Variants in SAMD4A observed in about 807,000 individuals in gnomAD.
SAMD4A encodes the protein protein Smaug homolog 1.
Under a neutral mutation model 81.3 loss-of-function variants are expected in SAMD4A, and 33 were observed. The ratio of observed to expected loss-of-function variants is 0.41; its 90% CI spans 0.31 to 0.54. The LOEUF is 0.54. SAMD4A is among the 20% of genes least tolerant of loss of function. SAMD4A has a pLI of 0.37. For missense variants in SAMD4A, 854 were observed against 951.1 expected, an observed-to-expected ratio of 0.90 and a Z score of 1.34; for synonymous variants, 389 against 382.1, an observed-to-expected ratio of 1.02 and a Z score of -0.21.
At chr14:54,725,439 G>A (rs1387424832) in intron 3 of SAMD4A, among the ~76,000 whole-genome samples, 1 of 152,218 alleles carries the variant, frequency 6.6e-6, no homozygotes, top group Non-Finnish European at 1.5e-5. Flanking sequence ...GTCAGTATAG[G>A]TGAAGATTTT....
chr14:54,676,376 T>G (rs1347246837), intron 2 of SAMD4A, among the ~76,000 whole-genome samples: 6 of 152,176 alleles, frequency 3.9e-5, no homozygotes, highest in Non-Finnish European at 8.8e-5. Flanking sequence ...TTTTCTTTTT[T>G]CTTTTCTTTT....
At position 54,788,990 on chromosome 14, in the gene SAMD4A, GCGGGTCCAGTGTC is replaced by G. The variant is rs1334093028; in HGVS notation, c.*49_*61del. 1 of 1,605,410 alleles carries G rather than the reference GCGGGTCCAGTGTC, an allele frequency of 6.2e-7. No homozygotes were observed. Among genetic ancestry groups the G allele is most frequent in the Non-Finnish European group, 8.5e-7 (1 of 1,172,098 alleles). On this transcript the variant is annotated 3_prime_UTR_variant, in exon 13 of 13. Transcript: ENST00000554335. The stretch of plus-strand genomic sequence containing the variant: ...CGCGCTGGCCGTGAAATCGACTGCT[GCGGGTCCAGTGTC>G]CGCCATCTTCAGGGTTGCACAGAAT...
intron 2 of SAMD4A, among the ~76,000 whole-genome samples, chr14:54,691,133 C>T (rs555041976): frequency 6.6e-5 from 10 of 152,204 alleles, no homozygotes; most frequent in Non-Finnish European, 1.2e-4. Flanking sequence ...TGCTCCTCTC[C>T]GTCCTACTGG....
intron 2 of SAMD4A, among the ~76,000 whole-genome samples, chr14:54,645,075 T>G (rs1482863673): frequency 6.6e-6 from 1 of 152,212 alleles, no homozygotes; most frequent in African/African-American, 2.4e-5. Context: ...GGATTTATTA[T>G]TTTTAAGTTA....
chr14:54,728,401 G>A (rs752457611), intron 3 of SAMD4A, among the ~76,000 whole-genome samples: 15 of 152,188 alleles, frequency 9.9e-5, no homozygotes, highest in Admixed American at 4.6e-4. Flanking sequence ...TTGGGGTGTT[G>A]TGGAGCCTCC....
chr14:54,784,376 T>C, intron 11 of SAMD4A, 161 bp from the exon 12 acceptor site: 2 of 1,567,410 alleles, frequency 1.3e-6, no homozygotes, highest in Non-Finnish European at 1.7e-6. Context: ...TTAACAGACC[T>C]TAGAGGTTGG....
rs751642421 is a variant in SAMD4A, at chr14:54,590,368, G to A, written c.196+22256G>A. On this transcript the variant is annotated intron_variant, in intron 2 of 12. Transcript: ENST00000554335. ...TTGCTGGGCATGGTGGTGTGTGCCT[G>A]TAGCCGCAGCTACTTGAGAGGCTGA... Among the ~76,000 whole-genome samples the A allele has an allele frequency of 2.0e-5, 3 of 152,162 alleles. No homozygotes were observed. In the South Asian group the frequency reaches 6.2e-4, roughly 31 times the overall value.
chr14:54,692,309 C>T (rs1018681824), intron 2 of SAMD4A, among the ~76,000 whole-genome samples: 7 of 152,130 alleles, frequency 4.6e-5, no homozygotes, highest in African/African-American at 9.7e-5. Context: ...GCTGTTGTTC[C>T]GTTTGCTCCA....
intron 2 of SAMD4A, among the ~76,000 whole-genome samples, chr14:54,614,301 AT>A (rs1443840276): frequency 6.6e-6 from 1 of 152,180 alleles, no homozygotes; most frequent in East Asian, 1.9e-4. Context: ...ATGAATACAT[AT>A]TTTTTAAGTT....
At chr14:54,636,577 G>A (rs1030654363) in intron 2 of SAMD4A, among the ~76,000 whole-genome samples, 3 of 152,212 alleles carry the variant, frequency 2.0e-5, no homozygotes, top group African/African-American at 7.2e-5. Context: ...GGCTGGTAGA[G>A]TAAGAGATGA....
At chr14:54,748,337 C>T (rs2038017191) in intron 4 of SAMD4A, among the ~76,000 whole-genome samples, 1 of 152,174 alleles carries the variant, frequency 6.6e-6, no homozygotes, top group East Asian at 1.9e-4. Context: ...ATTGAATGTA[C>T]AAAAATTATC....
chr14:54,683,023 G>A (rs1335829378), intron 2 of SAMD4A, among the ~76,000 whole-genome samples: 1 of 152,172 alleles, frequency 6.6e-6, no homozygotes, highest in African/African-American at 2.4e-5. Flanking sequence ...CTGGGAAGCT[G>A]AGTGCCCCAA....
chr14:54,580,222 A>G (rs1373238294), intron 2 of SAMD4A, among the ~76,000 whole-genome samples: 1 of 152,166 alleles, frequency 6.6e-6, no homozygotes, highest in Non-Finnish European at 1.5e-5. Context: ...CTCATGGCCG[A>G]CTTGGCTGCC....
At position 54,605,560 on chromosome 14, in the gene SAMD4A, G is replaced by A. The variant is rs148754773; in HGVS notation, c.196+37448G>A. On this transcript the variant is annotated intron_variant, in intron 2 of 12. Coordinates refer to ENST00000554335, the MANE Select transcript of SAMD4A (RefSeq NM_015589.6). ...TAAAATGAGCAGGGAAACCTCACAGGGATGAGAATACCTAAACTGACAATT... is the reference window on the plus strand; with the variant it reads ...TAAAATGAGCAGGGAAACCTCACAGAGATGAGAATACCTAAACTGACAATT... 5.2e-3 allele frequency among the ~76,000 whole-genome samples: 785 copies of A among 152,244 alleles called. 4 individuals carry two copies. The highest frequency in any genetic ancestry group is 8.8e-3 in the Admixed American group (134 of 15,296).
intron 9 of SAMD4A, among the ~76,000 whole-genome samples, chr14:54,773,378 T>C (rs1327645011): frequency 6.6e-6 from 1 of 152,184 alleles, no homozygotes; most frequent in Non-Finnish European, 1.5e-5. Context: ...ACCTCCCCTG[T>C]GTCGCTGGAA....
chr14:54,702,631 G>A (rs1418846781), intron 3 of SAMD4A, 51 bp downstream of exon 3: 1 of 1,584,070 alleles, frequency 6.3e-7, no homozygotes, highest in East Asian at 2.2e-5. Context: ...GATTTGCTGT[G>A]TATGTGGCAT....
At chr14:54,710,320 T>C (rs945224832) in intron 3 of SAMD4A, among the ~76,000 whole-genome samples, 1 of 152,196 alleles carries the variant, frequency 6.6e-6, no homozygotes, top group Non-Finnish European at 1.5e-5. Flanking sequence ...CTACATAGTG[T>C]TTACTATATA....
intron 7 of SAMD4A, 23 bp downstream of exon 7, chr14:54,760,517 C>T: frequency 2.9e-6 from 4 of 1,382,320 alleles, no homozygotes; most frequent in Non-Finnish European, 3.7e-6. Context: ...TCGCCCATTT[C>T]TTTTTTCTTC....
rs1411608537 is a variant in SAMD4A, at chr14:54,717,890, T to TG, written c.715+15310_715+15311insG. ...GCAAATATGTTGCTTGAAGGTTTTTTTTTTTTTTTTTGCTCAATCTATGAG... is the reference window on the plus strand; with the variant it reads ...GCAAATATGTTGCTTGAAGGTTTTTTGTTTTTTTTTTTGCTCAATCTATGAG... On this transcript the variant is annotated intron_variant, in intron 3 of 12. Coordinates refer to ENST00000554335, the MANE Select transcript of SAMD4A (RefSeq NM_015589.6). Among the ~76,000 whole-genome samples the TG allele has an allele frequency of 7.2e-5, 11 of 151,976 alleles. No individual in the cohort carries two copies. In the South Asian group the frequency reaches 1.9e-3, roughly 26 times the overall value.
Sources: gnomAD v4.1 joint callset for allele counts (sites outside exome capture counted in the v4.1 genomes callset) on GRCh38, gnomAD v4.1.1 for gene constraint, MANE v1.5 for transcripts, NCBI Gene and HGNC (gene_info 2026-07-23, HGNC 2026-07-21) for gene names.